The following MEI4 variants were observed in gnomAD, a reference collection of about 807,000 sequenced individuals.
The protein encoded by MEI4 is meiotic double-stranded break formation protein 4, also known as meiosis-specific protein MEI4.
Under a neutral mutation model 31.4 loss-of-function variants are expected in MEI4, and 27 were observed. The observed-to-expected ratio is 0.86, with a 90% CI of 0.63 to 1.19. MEI4 has a LOEUF of 1.19. Ranked by LOEUF, MEI4 falls within the 50% of genes most tolerant of loss-of-function variation. The pLI is 0.00. For missense variants in MEI4, 329 were observed against 398.9 expected (o/e 0.82, Z 1.49); for synonymous variants, 122 against 145.4 (o/e 0.84, Z 1.16).
chr6:77,838,557 A>G (rs938001912), intron 4 of MEI4, among the ~76,000 whole-genome samples: 3 of 152,190 alleles, frequency 2.0e-5, no homozygotes, highest in African/African-American at 7.2e-5. Context: ...AGCCACTACA[A>G]TCTATCATTC....
chr6:77,796,176 T>G (rs1199560685), intron 3 of MEI4, among the ~76,000 whole-genome samples: 3 of 152,202 alleles, frequency 2.0e-5, no homozygotes, highest in African/African-American at 7.2e-5. Context: ...TTCAATATCC[T>G]GTTATGATAC....
intron 2 of MEI4, among the ~76,000 whole-genome samples, chr6:77,758,131 G>C (rs1767957251): frequency 6.8e-6 from 1 of 147,118 alleles, no homozygotes; most frequent in African/African-American, 2.5e-5. Context: ...CTCCAGCTTG[G>C]TGACAGAGCA....
At chr6:77,860,128 C>T (rs2127720867) in intron 4 of MEI4, among the ~76,000 whole-genome samples, 1 of 152,318 alleles carries the variant, frequency 6.6e-6, no homozygotes, top group Non-Finnish European at 1.5e-5. Flanking sequence ...TGAGCATTCT[C>T]ATTTTGCAGA....
intron 3 of MEI4, among the ~76,000 whole-genome samples, chr6:77,774,272 A>G (rs897210752): frequency 1.3e-5 from 2 of 152,096 alleles, no homozygotes; most frequent in African/African-American, 4.8e-5. Flanking sequence ...AGTGTCCATC[A>G]TCAGACGAAT....
chr6:77,746,341 C>T (rs151261934), intron 2 of MEI4, among the ~76,000 whole-genome samples: 486 of 152,178 alleles, frequency 3.2e-3, no homozygotes, highest in Non-Finnish European at 5.8e-3. Flanking sequence ...AGATTACCTC[C>T]GAAATGTAGG....
intron 2 of MEI4, among the ~76,000 whole-genome samples, chr6:77,710,955 G>C (rs1370517023): frequency 6.6e-6 from 1 of 152,102 alleles, no homozygotes; most frequent in African/African-American, 2.4e-5. Flanking sequence ...ATTTTACTGG[G>C]ATATTCTCTG....
At chr6:77,722,408 G>A (rs1766730583) in intron 2 of MEI4, among the ~76,000 whole-genome samples, 1 of 151,518 alleles carries the variant, frequency 6.6e-6, no homozygotes, top group Admixed American at 6.6e-5. Context: ...CGGTTTTTCT[G>A]TTTTCCAAGT....
chr6:77,678,233 A>G (rs1768880990), intron 1 of MEI4, among the ~76,000 whole-genome samples: 1 of 152,250 alleles, frequency 6.6e-6, no homozygotes, highest in Admixed American at 6.5e-5. Flanking sequence ...ATTACCAAAA[A>G]TAAAAAACAG....
chr6:77,741,528 A>G (rs1422689900), intron 2 of MEI4, among the ~76,000 whole-genome samples: 1 of 152,190 alleles, frequency 6.6e-6, no homozygotes, highest in Non-Finnish European at 1.5e-5. Context: ...AGATTCAGAT[A>G]CATATGTTAT....
intron 2 of MEI4, among the ~76,000 whole-genome samples, chr6:77,735,970 T>G (rs1341839358): frequency 6.6e-6 from 1 of 152,068 alleles, no homozygotes; most frequent in African/African-American, 2.4e-5. Context: ...AGGGACCCAC[T>G]TGAGGAGGCA....
chr6:77,756,506 T>C (rs1767921527), intron 2 of MEI4, among the ~76,000 whole-genome samples: 1 of 152,038 alleles, frequency 6.6e-6, no homozygotes, highest in Non-Finnish European at 1.5e-5. Context: ...AAGTTATTAA[T>C]AGTAGATGCT....
At chr6:77,904,201 T>C (rs1766244159) in intron 4 of MEI4, among the ~76,000 whole-genome samples, 1 of 152,168 alleles carries the variant, frequency 6.6e-6, no homozygotes, top group Non-Finnish European at 1.5e-5. Flanking sequence ...ATCTTTTGTG[T>C]ATCTACAAAG....
At chr6:77,825,906 C>G (rs1351777649) in intron 3 of MEI4, among the ~76,000 whole-genome samples, 1 of 152,174 alleles carries the variant, frequency 6.6e-6, no homozygotes, top group Non-Finnish European at 1.5e-5. Context: ...GGAGTGTCTT[C>G]AGTTACAATC....
chr6:77,898,447 AC>A (rs1766127810), intron 4 of MEI4, among the ~76,000 whole-genome samples: 1 of 151,998 alleles, frequency 6.6e-6, no homozygotes, highest in African/African-American at 2.4e-5. Context: ...TAGGAAACTG[AC>A]CAAATGGTAT....
intron 4 of MEI4, among the ~76,000 whole-genome samples, chr6:77,918,155 G>A (rs1249238106): frequency 2.0e-5 from 3 of 151,192 alleles, no homozygotes; most frequent in African/African-American, 4.8e-5. Context: ...GTACCATGCT[G>A]TTTTGGTTAC....
At chr6:77,907,975 C>A (rs878898760) in intron 4 of MEI4, among the ~76,000 whole-genome samples, 1 of 149,164 alleles carries the variant, frequency 6.7e-6, no homozygotes, top group Non-Finnish European at 1.5e-5. Context: ...TCATATCCTT[C>A]ACGCACTTGT....
chr6:77,764,308 A>C (rs1768114876), intron 3 of MEI4, among the ~76,000 whole-genome samples: 1 of 152,184 alleles, frequency 6.6e-6, no homozygotes, highest in Non-Finnish European at 1.5e-5. Flanking sequence ...TAAACCATCC[A>C]TTGTAATACC....
chr6:77,714,616 G>T (rs1257186406), intron 2 of MEI4, among the ~76,000 whole-genome samples: 1 of 152,174 alleles, frequency 6.6e-6, no homozygotes, highest in East Asian at 1.9e-4. Flanking sequence ...ACAGTGAATG[G>T]ATTTACGTGA....
intron 2 of MEI4, among the ~76,000 whole-genome samples, chr6:77,730,690 A>G (rs144140926): frequency 0.031 from 4,665 of 152,000 alleles, 93 homozygotes; most frequent in Non-Finnish European, 0.045. Flanking sequence ...AGTTAGTTAC[A>G]TATGTATACA....
Sources: allele counts gnomAD v4.1 joint callset (sites outside exome capture counted in the v4.1 genomes callset), GRCh38; gene constraint gnomAD v4.1.1; transcripts MANE v1.5; gene names NCBI Gene and HGNC (gene_info 2026-07-23, HGNC 2026-07-21).